GLIS1: variants seen among roughly 807,000 people sequenced by gnomAD.
GLIS1 encodes the protein GLIS family zinc finger 1.
Under a neutral mutation model 63.8 loss-of-function variants are expected in GLIS1, and 24 were observed. That is an observed-to-expected ratio of 0.38 (90% CI 0.27 to 0.53). The LOEUF is 0.53. GLIS1 is among the 20% of genes least tolerant of loss of function. The pLI, the probability that GLIS1 is intolerant of heterozygous loss-of-function variation, is 0.85. For synonymous variants in GLIS1, 450 were observed against 482.5 expected, an observed-to-expected ratio of 0.93 and a Z score of 0.88; for missense variants, 1,036 against 1,074.1, an observed-to-expected ratio of 0.96 and a Z score of 0.50.
intron 2 of GLIS1, among the ~76,000 whole-genome samples, chr1:53,679,011 C>T (rs902912214): frequency 4.6e-5 from 7 of 152,206 alleles, no homozygotes. Context: ...CCTGGGAGGT[C>T]ACCCCCCACC....
intron 2 of GLIS1, among the ~76,000 whole-genome samples, chr1:53,723,801 C>T (rs1646779824): frequency 6.6e-6 from 1 of 152,140 alleles, no homozygotes; most frequent in South Asian, 2.1e-4. Context: ...AAAGGGTCAG[C>T]CACTTCCCAA....
intron 2 of GLIS1, among the ~76,000 whole-genome samples, chr1:53,669,705 C>A (rs1646131368): frequency 6.6e-6 from 1 of 152,216 alleles, no homozygotes; most frequent in South Asian, 2.1e-4. Context: ...CCAGCCCCTC[C>A]CATCACGTGC....
chr1:53,554,444 G>A (rs1445021548), intron 4 of GLIS1, among the ~76,000 whole-genome samples: 3 of 152,128 alleles, frequency 2.0e-5, no homozygotes, highest in African/African-American at 4.8e-5. Context: ...CACAGTGCCC[G>A]GCTATTCACA....
chr1:53,593,150 T>C (rs1449568430), intron 4 of GLIS1, among the ~76,000 whole-genome samples: 2 of 152,228 alleles, frequency 1.3e-5, no homozygotes, highest in Non-Finnish European at 2.9e-5. Flanking sequence ...ACACCAGCCA[T>C]GCTGCTGTCC....
rs572622298 is a variant in GLIS1, at chr1:53,580,161, G to A, written c.1320+13947C>T. 4.6e-5 allele frequency among the ~76,000 whole-genome samples: 7 copies of A among 152,214 alleles called. No homozygotes were observed. The South Asian group carries it at 8.3e-4, about 18-fold the overall frequency. On this transcript the variant is annotated intron_variant, in intron 4 of 10. Transcript: ENST00000628545. ...CTGAACCCCATGCCACCTCTTACTG[G>A]CCATGGGACCTCCCCACATTCTGTC...
intron 4 of GLIS1, among the ~76,000 whole-genome samples, chr1:53,555,600 G>A (rs964729617): frequency 6.6e-6 from 1 of 152,218 alleles, no homozygotes; most frequent in Non-Finnish European, 1.5e-5. Context: ...ATAAATGCTT[G>A]AGGTAATGGA....
chr1:53,694,675 G>T (rs1646445898), intron 2 of GLIS1, among the ~76,000 whole-genome samples: 1 of 152,194 alleles, frequency 6.6e-6, no homozygotes, highest in Non-Finnish European at 1.5e-5. Context: ...TCGGACCTGG[G>T]ACTTGGGGTA....
At chr1:53,571,405 A>T (rs962087962) in intron 4 of GLIS1, among the ~76,000 whole-genome samples, 1 of 152,238 alleles carries the variant, frequency 6.6e-6, no homozygotes, top group African/African-American at 2.4e-5. Flanking sequence ...CCATAGGTTC[A>T]AAAAGAGACA....
At chr1:53,530,568 C>G (rs915689418) in intron 4 of GLIS1, among the ~76,000 whole-genome samples, 11 of 152,178 alleles carry the variant, frequency 7.2e-5, no homozygotes, top group Non-Finnish European at 1.3e-4. Flanking sequence ...ACTGAAGGGC[C>G]CTTCACAGAT....
chr1:53,704,684 C>T (rs1002214416), intron 2 of GLIS1, among the ~76,000 whole-genome samples: 1 of 152,180 alleles, frequency 6.6e-6, no homozygotes, highest in African/African-American at 2.4e-5. Flanking sequence ...CCAAGGGAAG[C>T]CGGAGGACAG....
intron 4 of GLIS1, among the ~76,000 whole-genome samples, chr1:53,535,097 G>C (rs866275105): frequency 5.9e-5 from 9 of 152,232 alleles, no homozygotes; most frequent in Middle Eastern, 6.8e-3. Context: ...AGAGAAGGAA[G>C]GGAAGCAGGG....
chr1:53,621,824 T>C (rs962094846), intron 2 of GLIS1, among the ~76,000 whole-genome samples: 1 of 152,190 alleles, frequency 6.6e-6, no homozygotes, highest in Non-Finnish European at 1.5e-5. Flanking sequence ...GAAAAATTTT[T>C]TTTTTTTGAG....
chr1:53,528,209 T>C (rs1465122840), intron 5 of GLIS1, among the ~76,000 whole-genome samples: 4 of 152,166 alleles, frequency 2.6e-5, no homozygotes, highest in Non-Finnish European at 5.9e-5. Flanking sequence ...TCACTTCATG[T>C]CCGTAGCACA....
At chr1:53,609,266 C>CTTTTTTTTTTTTTTTTT (rs1221426769) in intron 2 of GLIS1, among the ~76,000 whole-genome samples, 1 of 81,378 alleles carries the variant, frequency 1.2e-5, no homozygotes, top group African/African-American at 5.1e-5. Context: ...GGGTTTAAAT[C>CTTTTTTTTTTTTTTTTT]TTTTTTTTTT....
chr1:53,506,890 C>T lies in GLIS1; in HGVS notation c.2231-114G>A, dbSNP rs768404572. 376 of 1,074,706 alleles carry T rather than the reference C, an allele frequency of 3.5e-4. 1 individual carries two copies. Among genetic ancestry groups the T allele is most frequent in the Non-Finnish European group, 4.1e-4 (313 of 763,928 alleles). 66.6% of individuals were successfully genotyped at this position (1,074,706 alleles called of 1,614,324 possible). A position where few individuals can be genotyped will look rare whatever the true frequency, so the allele number is the denominator to read the frequency against. On this transcript the variant is annotated intron_variant, in intron 10 of 10. Coordinates refer to ENST00000628545, the MANE Select transcript of GLIS1 (RefSeq NM_001367484.1). ...CCAGGGTCATCCCCTCACAGTGTCC[C>T]GTCGGTGGGGCCTGCTTGGAGCCCC...
chr1:53,710,035 G>A (rs1646630177), intron 2 of GLIS1, among the ~76,000 whole-genome samples: 1 of 152,158 alleles, frequency 6.6e-6, no homozygotes, highest in South Asian at 2.1e-4. Context: ...CAATTTCCCT[G>A]AGGATGCATG....
At chr1:53,707,099 G>A (rs1374972886) in intron 2 of GLIS1, among the ~76,000 whole-genome samples, 2 of 152,118 alleles carry the variant, frequency 1.3e-5, no homozygotes, top group African/African-American at 4.8e-5. Flanking sequence ...AGGATAATAG[G>A]ATAAAAGCCC....
intron 2 of GLIS1, among the ~76,000 whole-genome samples, chr1:53,667,150 C>A (rs1646102110): frequency 6.6e-6 from 1 of 152,248 alleles, no homozygotes; most frequent in South Asian, 2.1e-4. Context: ...ACTTTGGGAA[C>A]TGCAAAGCAC....
chr1:53,511,083 A>T lies in GLIS1; in HGVS notation c.1884-1056T>A, dbSNP rs1037112051. On this transcript the variant is annotated intron_variant, in intron 8 of 10. Coordinates refer to ENST00000628545, the MANE Select transcript of GLIS1 (RefSeq NM_001367484.1). This position sits in a 1 kb window ranked among gnomAD's most constrained non-coding sequence, Gnocchi z 4.2. Reference sequence around the variant, plus strand: ...CCTGGGCCCCGTTCACAGGGGCTAAAATGACTTTGGGATCAATGGCTTGGG... The same window carrying T: ...CCTGGGCCCCGTTCACAGGGGCTAATATGACTTTGGGATCAATGGCTTGGG... Among the ~76,000 whole-genome samples, 2 of 152,292 alleles carry T rather than the reference A, an allele frequency of 1.3e-5. No homozygotes were observed.
Sources: gnomAD v4.1 joint callset for allele counts (sites outside exome capture counted in the v4.1 genomes callset) on GRCh38, gnomAD v4.1.1 for gene constraint, Gnocchi (gnomAD v3.1) non-coding constraint, MANE v1.5 for transcripts, NCBI Gene and HGNC (gene_info 2026-07-23, HGNC 2026-07-21) for gene names.